Variants in CUBN observed in about 807,000 individuals in gnomAD.
CUBN encodes cubilin.
CUBN carries 282 observed loss-of-function variants against 405.3 expected under a neutral mutation model. That is an observed-to-expected ratio of 0.70 (90% CI 0.63 to 0.77). The LOEUF (loss-of-function observed/expected upper bound fraction) is 0.77, where lower values mean the gene tolerates loss of function less well. Ranked by LOEUF, CUBN falls within the 30% of genes least tolerant of loss-of-function variation. CUBN has a pLI of 0.00. For missense variants in CUBN, 4,514 were observed against 4,475.2 expected, an observed-to-expected ratio of 1.01 and a Z score of -0.25; for synonymous variants, 1,684 against 1,617.0, an observed-to-expected ratio of 1.04 and a Z score of -0.99.
rs776663892 is a variant in CUBN, at chr10:16,899,129, G to A, written c.8465C>T (p.Pro2822Leu). The change falls in exon 54 of 67, where the codon CCT (proline) becomes CTT (leucine). Residue 2822 changes from proline (P) to leucine (L), a missense_variant. Transcript: ENST00000377833. ...DNGTIRSPHW[P>L]QNFPENSRCS... ...TCTGCTGTTTTCGGGAAAATTCTGAGGCCAGTGAGGGGATCTGATTGTACC... is the reference window on the plus strand; with the variant it reads ...TCTGCTGTTTTCGGGAAAATTCTGAAGCCAGTGAGGGGATCTGATTGTACC... The A allele has an allele frequency of 1.6e-5, 26 of 1,613,880 alleles. 1 individual carries two copies. In the Middle Eastern group the frequency reaches 4.9e-4, roughly 31 times the overall value.
chr10:17,105,692 T>G (rs1172809302), intron 10 of CUBN, 117 bp from the exon 11 acceptor site: 5 of 699,770 alleles, frequency 7.1e-6, no homozygotes, highest in Non-Finnish European at 1.3e-5. Flanking sequence ...GTCTGTGTAT[T>G]TTGACGGGCA....
chr10:16,850,855 G>A (rs1839665274), intron 60 of CUBN, among the ~76,000 whole-genome samples: 1 of 152,168 alleles, frequency 6.6e-6, no homozygotes, highest in Non-Finnish European at 1.5e-5. Flanking sequence ...CTAAGAAATA[G>A]ACAAATTAAG....
chr10:16,971,514 A>G (rs1165552780), intron 31 of CUBN, among the ~76,000 whole-genome samples: 2 of 152,234 alleles, frequency 1.3e-5, no homozygotes, highest in Admixed American at 1.3e-4. Context: ...GTTTTCTTTT[A>G]AAACTTCCTT....
chr10:16,935,138 TC>T (rs1564432875), intron 39 of CUBN, among the ~76,000 whole-genome samples: 2 of 152,160 alleles, frequency 1.3e-5, no homozygotes, highest in Non-Finnish European at 2.9e-5. Context: ...GTTTTTTCTT[TC>T]CCAATCTCTT....
intron 48 of CUBN, 40 bp downstream of exon 48, chr10:16,913,771 A>G: frequency 6.2e-7 from 1 of 1,610,674 alleles, no homozygotes; most frequent in Non-Finnish European, 8.5e-7. Flanking sequence ...AACTCTTTAA[A>G]TGATGGAATA....
At position 17,045,925 on chromosome 10, in the gene CUBN, G is replaced by T. The variant is rs1835121714; in HGVS notation, c.3490+9C>A. 1.2e-6 allele frequency: 2 copies of T among 1,613,534 alleles called. No homozygotes were observed. The highest frequency in any genetic ancestry group is 2.7e-5 in the African/African-American group (2 of 75,028). On this transcript the variant is annotated intron_variant, in intron 24 of 66. Coordinates refer to ENST00000377833, the MANE Select transcript of CUBN (RefSeq NM_001081.4). ...CTTCTCCAGTAAAAGACAGCTCTTT[G>T]CTATTTACCTGTTGATGACCCATCC...
At chr10:17,037,934 A>G (rs2131811398) in intron 27 of CUBN, among the ~76,000 whole-genome samples, 1 of 128,740 alleles carries the variant, frequency 7.8e-6, no homozygotes, top group Non-Finnish European at 1.6e-5. Flanking sequence ...CTCCCATGAC[A>G]CAGTCACCTT....
At chr10:16,982,696 A>G (rs375996833) in intron 30 of CUBN, 43 bp from the exon 31 acceptor site, 4 of 1,540,376 alleles carry the variant, frequency 2.6e-6, no homozygotes, top group Non-Finnish European at 3.6e-6. Flanking sequence ...GGAATCATGG[A>G]TGCTCGAAAA....
rs116435293 is a variant in CUBN, at chr10:16,964,169, C to T, written c.4696-9621G>A. The stretch of plus-strand genomic sequence containing the variant: ...ATTTCTCTACATACTTAAAATATTT[C>T]ATAGTAGAGTGTTCAATAAAGAAAA... On this transcript the variant is annotated intron_variant, in intron 31 of 66. Transcript: ENST00000377833. Among the ~76,000 whole-genome samples the T allele has an allele frequency of 7.4e-3, 1,125 of 152,030 alleles. 23 individuals carry two copies. The highest frequency in any genetic ancestry group is 0.026 in the African/African-American group (1,069 of 41,456).
At chr10:17,083,482 G>A (rs1410632365) in intron 17 of CUBN, among the ~76,000 whole-genome samples, 1 of 94,392 alleles carries the variant, frequency 1.1e-5, no homozygotes, top group Non-Finnish European at 2.0e-5. Context: ...TCTAGCCTGG[G>A]CAACAAGAGC....
intron 36 of CUBN, among the ~76,000 whole-genome samples, chr10:16,943,026 T>C (rs1243695746): frequency 1.3e-5 from 2 of 152,218 alleles, no homozygotes; most frequent in African/African-American, 4.8e-5. Context: ...TGGGGCTCTA[T>C]CTCAGCTAAT....
At chr10:16,828,104 A>G (rs1838845474) in intron 66 of CUBN, among the ~76,000 whole-genome samples, 1 of 152,178 alleles carries the variant, frequency 6.6e-6, no homozygotes, top group Middle Eastern at 3.2e-3. Context: ...CTACAGTTCT[A>G]TTTATGCAGA....
intron 22 of CUBN, among the ~76,000 whole-genome samples, chr10:17,049,191 T>C (rs1163770725): frequency 6.6e-6 from 1 of 152,114 alleles, no homozygotes. Flanking sequence ...GGGAGGAGTA[T>C]AGCATTGGTC....
chr10:16,950,502 C>A (rs1349790457), intron 33 of CUBN, among the ~76,000 whole-genome samples: 2 of 151,946 alleles, frequency 1.3e-5, no homozygotes, highest in Admixed American at 1.3e-4. Context: ...AAAAAACATA[C>A]AGGGAGATAA....
At chr10:17,000,684 C>T (rs546013584) in intron 28 of CUBN, among the ~76,000 whole-genome samples, 8 of 152,340 alleles carry the variant, frequency 5.3e-5, no homozygotes, top group East Asian at 1.9e-4. Context: ...CAGGCACCAT[C>T]GTGCTACTTA....
chr10:17,123,949 A>G (rs1394532928), intron 4 of CUBN, among the ~76,000 whole-genome samples: 1 of 152,206 alleles, frequency 6.6e-6, no homozygotes, highest in Non-Finnish European at 1.5e-5. Flanking sequence ...AGGGGAGAAG[A>G]TTCTCACTTT....
At chr10:16,982,754 C>T (rs1833311776) in intron 30 of CUBN, 101 bp from the exon 31 acceptor site, 4 of 1,079,800 alleles carry the variant, frequency 3.7e-6, no homozygotes, top group South Asian at 2.7e-5. Flanking sequence ...TTGCTTGAAT[C>T]AGTTAGTCGA....
intron 17 of CUBN, among the ~76,000 whole-genome samples, chr10:17,077,445 G>C (rs188627708): frequency 6.6e-6 from 1 of 152,180 alleles, no homozygotes; most frequent in African/African-American, 2.4e-5. Context: ...TCTGGAATGA[G>C]TCAAGTCCCA....
chr10:16,952,644 T>C (rs1842950929), intron 32 of CUBN, among the ~76,000 whole-genome samples: 1 of 152,314 alleles, frequency 6.6e-6, no homozygotes, highest in South Asian at 2.1e-4. Context: ...GTCTATGAAT[T>C]GCCTAAGTCA....
Sources: gnomAD v4.1 joint callset for allele counts (sites outside exome capture counted in the v4.1 genomes callset) on GRCh38, gnomAD v4.1.1 for gene constraint, MANE v1.5 for transcripts, NCBI Gene and HGNC (gene_info 2026-07-23, HGNC 2026-07-21) for gene names.